The following PARG variants were observed in gnomAD, a reference collection of about 807,000 sequenced individuals.
PARG encodes poly(ADP-ribose) glycohydrolase.
A neutral mutation model predicts 113.0 loss-of-function variants in PARG; 35 were observed. That is an observed-to-expected ratio of 0.31 (90% CI 0.24 to 0.41). The LOEUF is 0.41. PARG is among the 10% of genes least tolerant of loss of function. The probability of loss-of-function intolerance (pLI) is 1.00; values close to 1 mark genes in which losing one functional copy is unlikely to be tolerated. For synonymous variants in PARG, 330 were observed against 409.9 expected, an observed-to-expected ratio of 0.81 and a Z score of 2.36; for missense variants, 797 against 1,169.4, an observed-to-expected ratio of 0.68 and a Z score of 4.64.
chr10:49,893,959 A>G (rs782368840), intron 7 of PARG, among the ~76,000 whole-genome samples: 4 of 152,078 alleles, frequency 2.6e-5, no homozygotes, highest in South Asian at 2.1e-4. Context: ...TGGCCTCCCA[A>G]AGTGCTGGGA....
intron 6 of PARG, among the ~76,000 whole-genome samples, chr10:49,919,398 T>G (rs1180799055): frequency 2.0e-5 from 3 of 152,254 alleles, no homozygotes; most frequent in African/African-American, 7.2e-5. Context: ...TTTATAATTT[T>G]GTTTTTAGAG....
intron 7 of PARG, among the ~76,000 whole-genome samples, chr10:49,894,025 T>C (rs1365413071): frequency 3.3e-5 from 5 of 151,516 alleles, no homozygotes; most frequent in East Asian, 2.0e-4. Flanking sequence ...ATAGAGACCA[T>C]TGCCATGTTG....
At chr10:49,874,510 TC>T (rs1554838097) in intron 9 of PARG, among the ~76,000 whole-genome samples, 1 of 152,056 alleles carries the variant, frequency 6.6e-6, no homozygotes, top group African/African-American at 2.4e-5. Flanking sequence ...GCCCCAGACT[TC>T]CCCACTCAGA....
chr10:49,885,704 A>G (rs1588942471), intron 7 of PARG, among the ~76,000 whole-genome samples: 1 of 152,324 alleles, frequency 6.6e-6, no homozygotes, highest in East Asian at 1.9e-4. Flanking sequence ...TCTAGTTTCA[A>G]TGGTCTACAA....
chr10:49,933,786 T>C lies in PARG; in HGVS notation c.662A>G (p.Gln221Arg). 6.2e-7 allele frequency: 1 copy of C among 1,613,694 alleles called. No individual in the cohort carries two copies. Among genetic ancestry groups the C allele is most frequent in the Non-Finnish European group, 8.5e-7 (1 of 1,179,568 alleles). The change falls in exon 3 of 18, where the codon CAG (glutamine) becomes CGG (arginine). Residue 221 changes from glutamine (Q) to arginine (R), a missense_variant. Transcript: ENST00000616448. The stretch of plus-strand genomic sequence containing the variant: ...TCTGGCCTGTTCATCTTCTGTAGTC[T>C]GCTTTGCATTTGCAAGCTTTACAGT... ...LTTVKLANAK[Q>R]TTEDEQAREA...
intron 7 of PARG, among the ~76,000 whole-genome samples, chr10:49,891,975 A>G (rs868928267): frequency 1.9e-4 from 28 of 151,078 alleles, no homozygotes; most frequent in Admixed American, 7.2e-4. Flanking sequence ...ATTTTTGTAT[A>G]TGTCTGAAAT....
At chr10:49,859,867 C>T (rs555883356) in intron 12 of PARG, among the ~76,000 whole-genome samples, 14 of 152,262 alleles carry the variant, frequency 9.2e-5, no homozygotes, top group African/African-American at 3.1e-4. Context: ...AGACCCTCTA[C>T]AACAGTTGAG....
At chr10:49,821,907 T>C (rs1256623299) in intron 16 of PARG, among the ~76,000 whole-genome samples, 1 of 152,006 alleles carries the variant, frequency 6.6e-6, no homozygotes, top group African/African-American at 2.4e-5. Context: ...ACAAAGACAA[T>C]ATATGACTTA....
chr10:49,862,319 A>G (rs563094875), intron 11 of PARG, among the ~76,000 whole-genome samples: 13 of 151,626 alleles, frequency 8.6e-5, no homozygotes, highest in Admixed American at 7.2e-4. Context: ...GCCTTATTAG[A>G]TATTTTTCCC....
chr10:49,907,601 T>A (rs1554845293), intron 7 of PARG, among the ~76,000 whole-genome samples: 2 of 152,186 alleles, frequency 1.3e-5, no homozygotes, highest in African/African-American at 4.8e-5. Context: ...ACTACAATAG[T>A]CCTTCCAGGG....
At chr10:49,840,382 C>A (rs1415179841) in intron 15 of PARG, among the ~76,000 whole-genome samples, 2 of 150,314 alleles carry the variant, frequency 1.3e-5, no homozygotes, top group African/African-American at 2.4e-5. Context: ...GCAACAAAGA[C>A]CCTGCTTCAA....
chr10:49,922,246 T>G, intron 6 of PARG, 90 bp downstream of exon 6: 1 of 1,341,190 alleles, frequency 7.5e-7, no homozygotes, highest in Non-Finnish European at 1.0e-6. Context: ...ATCTAAACAA[T>G]GTTGCTACCT....
chr10:49,836,003 T>C (rs1185952308), intron 15 of PARG, among the ~76,000 whole-genome samples: 12 of 152,128 alleles, frequency 7.9e-5, no homozygotes, highest in African/African-American at 1.9e-4. Context: ...CTAGGAGCAA[T>C]AGGCCATACC....
intron 15 of PARG, among the ~76,000 whole-genome samples, chr10:49,838,431 CAAAAAAAAAAA>C (rs782657099): frequency 2.0e-4 from 8 of 40,308 alleles, no homozygotes; most frequent in Admixed American, 3.7e-4. Flanking sequence ...AACTCCGTCT[CAAAAAAAAAAA>C]AAAAAAAAAA....
At chr10:49,916,116 C>A in intron 6 of PARG, 125 bp from the exon 7 acceptor site, 1 of 684,818 alleles carries the variant, frequency 1.5e-6, no homozygotes, top group Non-Finnish European at 2.7e-6. Context: ...CTACTACCTC[C>A]CCCTGCTACT....
At chr10:49,920,103 A>T (rs1374355046) in intron 6 of PARG, among the ~76,000 whole-genome samples, 3 of 151,992 alleles carry the variant, frequency 2.0e-5, no homozygotes, top group African/African-American at 4.8e-5. Context: ...CTGAAATTTT[A>T]AAAAAAATCA....
At chr10:49,830,771 A>T (rs917882554) in intron 16 of PARG, among the ~76,000 whole-genome samples, 3 of 152,210 alleles carry the variant, frequency 2.0e-5, no homozygotes, top group Admixed American at 6.5e-5. Flanking sequence ...ATGTGAATTG[A>T]TATCACCTTT....
chr10:49,936,005 G>A (rs1483326533), intron 1 of PARG, among the ~76,000 whole-genome samples: 14 of 152,098 alleles, frequency 9.2e-5, no homozygotes, highest in African/African-American at 3.4e-4. Context: ...AAACTAGGGA[G>A]GAAGCTACTA....
chr10:49,905,144 G>T (rs1848520339), intron 7 of PARG, among the ~76,000 whole-genome samples: 1 of 152,302 alleles, frequency 6.6e-6, no homozygotes. Context: ...AGAGAAGCAT[G>T]AGGTATGTTG....
Sources: allele counts gnomAD v4.1 joint callset (sites outside exome capture counted in the v4.1 genomes callset), GRCh38; gene constraint gnomAD v4.1.1; transcripts MANE v1.5; gene names NCBI Gene and HGNC (gene_info 2026-07-23, HGNC 2026-07-21).